The following CAPN5 variants were observed in gnomAD, a reference collection of about 807,000 sequenced individuals.
CAPN5 encodes the protein calpain-5.
In CAPN5, 54 loss-of-function variants were observed where a neutral mutation model predicts 73.0. The ratio of observed to expected loss-of-function variants is 0.74; its 90% CI spans 0.59 to 0.93. CAPN5 has a LOEUF of 0.93. Among genes scored for constraint, CAPN5 ranks in the 40% least tolerant of loss-of-function variants. The pLI is 0.00. For synonymous variants in CAPN5, 335 were observed against 356.9 expected, an observed-to-expected ratio of 0.94 and a Z score of 0.69; for missense variants, 785 against 882.9, an observed-to-expected ratio of 0.89 and a Z score of 1.41.
At chr11:77,071,474 C>A in intron 1 of CAPN5, 1 of 360,148 alleles carries the variant, frequency 2.8e-6, no homozygotes, top group Admixed American at 2.7e-5. Context: ...CACCATCACC[C>A]TACAAGGGGG....
intron 1 of CAPN5, among the ~76,000 whole-genome samples, chr11:77,080,408 G>C (rs1234375729): frequency 6.6e-6 from 1 of 152,126 alleles, no homozygotes; most frequent in Non-Finnish European, 1.5e-5. Context: ...GCTGATGCTG[G>C]CTCCATGACC....
intron 3 of CAPN5, among the ~76,000 whole-genome samples, chr11:77,102,397 A>T (rs572890955): frequency 8.5e-5 from 13 of 152,272 alleles, no homozygotes; most frequent in African/African-American, 2.9e-4. Context: ...TGCCTTCTCC[A>T]CCTGCTCCTG....
intron 2 of CAPN5, among the ~76,000 whole-genome samples, chr11:77,090,290 C>T (rs1245263574): frequency 1.3e-5 from 2 of 152,192 alleles, no homozygotes; most frequent in Admixed American, 6.5e-5. Flanking sequence ...CCAGGCTGCA[C>T]GATTGCCCCC....
intron 2 of CAPN5, among the ~76,000 whole-genome samples, chr11:77,091,611 C>T (rs542138463): frequency 6.6e-6 from 1 of 152,328 alleles, no homozygotes; most frequent in African/African-American, 2.4e-5. Context: ...TCCACCATAC[C>T]CACAGCCACT....
At chr11:77,087,819 C>T in intron 2 of CAPN5, 1 of 1,328,688 alleles carries the variant, frequency 7.5e-7, no homozygotes, top group Non-Finnish European at 1.0e-6. Flanking sequence ...TTGGTTGGGA[C>T]ATCCCATCTC....
rs533512554 is a variant in CAPN5, at chr11:77,084,977, C to A, written c.91C>A (p.Leu31Ile). 6.2e-7 allele frequency: 1 copy of A among 1,613,622 alleles called. No individual in the cohort carries two copies. Among genetic ancestry groups the A allele is most frequent in the Admixed American group, 1.7e-5 (1 of 60,030 alleles). ...CAGGAAGGTGCTCTTCGAGGACCCCCTCTTCCCCGCCACTGACGACTCACT... is the reference window on the plus strand; with the variant it reads ...CAGGAAGGTGCTCTTCGAGGACCCCATCTTCCCCGCCACTGACGACTCACT... ...RRRKVLFEDPLFPATDDSLYY... is the reference protein window; with the variant it reads ...RRRKVLFEDPIFPATDDSLYY... Residue 31 changes from leucine (L) to isoleucine (I), a missense_variant, in exon 2 of 13, where the codon CTC becomes ATC. Transcript: ENST00000648180.
chr11:77,116,365 A>T, intron 7 of CAPN5, 62 bp downstream of exon 7: 3 of 1,360,874 alleles, frequency 2.2e-6, no homozygotes, highest in Non-Finnish European at 2.1e-6. Context: ...CCTGGCGGGG[A>T]GCACCAGGTG....
intron 1 of CAPN5, among the ~76,000 whole-genome samples, chr11:77,073,544 T>C (rs1949933972): frequency 6.6e-6 from 1 of 152,090 alleles, no homozygotes; most frequent in South Asian, 2.1e-4. Context: ...AGCCCTCACA[T>C]GCTGTGCTGT....
rs550453236 is a variant in CAPN5 at position 77,082,652 on chromosome 11, T to C, written c.-35-2200T>C. 7.3e-4 allele frequency among the ~76,000 whole-genome samples: 111 copies of C among 152,262 alleles called. 1 individual carries two copies. The highest frequency in any genetic ancestry group is 2.5e-3 in the African/African-American group (104 of 41,562). On this transcript the variant is annotated intron_variant, in intron 1 of 12. Transcript: ENST00000648180. ...GGGATGGGGCAACGGTATCAGGCCC[T>C]CAGCCAGCCAGGCCTGGCCCTGTGC...
rs139536181 is a variant in CAPN5, at chr11:77,093,713, A to G, written c.197A>G (p.Asp66Gly). 1.9e-4 allele frequency: 304 copies of G among 1,608,830 alleles called. 1 individual carries two copies. Among genetic ancestry groups the G allele is most frequent in the Admixed American group, 2.7e-4 (16 of 59,650 alleles). Residue 66 changes from aspartate to glycine, a missense_variant, in exon 3 of 13, where the codon GAT becomes GGT. Asp to Gly is a moderately conservative substitution (Grantham distance 94, BLOSUM62 -1). Transcript: ENST00000648180. ...GICEDPRLFV[D>G]GISSHDLHQG... ...TGCGAGGACCCCCGCCTCTTTGTGG[A>G]TGGCATCAGCTCCCACGACCTGCAC...
chr11:77,108,273 C>T (rs1318674412), intron 3 of CAPN5, among the ~76,000 whole-genome samples: 8 of 152,156 alleles, frequency 5.3e-5, no homozygotes, highest in Non-Finnish European at 8.8e-5. Context: ...TCCCAGTGGG[C>T]AGGGAAAAGA....
chr11:77,085,285 G>A (rs1950074185), intron 2 of CAPN5, among the ~76,000 whole-genome samples: 1 of 152,160 alleles, frequency 6.6e-6, no homozygotes, highest in African/African-American at 2.4e-5. Flanking sequence ...ACCCTCTCAG[G>A]GCCTCCACTT....
chr11:77,118,298 G>A lies in CAPN5; in HGVS notation c.1113G>A (p.Gln371=), dbSNP rs1555042111. The A allele has an allele frequency of 2.5e-6, 4 of 1,612,686 alleles. No homozygotes were observed. Among genetic ancestry groups the A allele is most frequent in the Non-Finnish European group, 3.4e-6 (4 of 1,179,400 alleles). ...GGACGCTGCATGAGGACCCGCGACA[G>A]AACCGCGGTGGCGGCTGCATCAACC... ...GAWTLHEDPR[Q]NRGGGCINHK... The change falls in exon 8 of 13, where the codon CAG becomes CAA. Residue 371 remains glutamine (Q), a synonymous_variant. Transcript: ENST00000648180.
chr11:77,091,914 C>T (rs1297832938), intron 2 of CAPN5, among the ~76,000 whole-genome samples: 1 of 152,192 alleles, frequency 6.6e-6, no homozygotes, highest in Admixed American at 6.5e-5. Context: ...TACACTGATT[C>T]CTCCTCGCAA....
chr11:77,097,094 C>T (rs113307279), intron 3 of CAPN5, among the ~76,000 whole-genome samples: 7,010 of 152,120 alleles, frequency 0.046, 188 homozygotes, highest in African/African-American at 0.072. Flanking sequence ...TGGTGGTGGG[C>T]GCCTGTAGTC....
chr11:77,086,897 G>A (rs1314751709), intron 2 of CAPN5, among the ~76,000 whole-genome samples: 3 of 152,210 alleles, frequency 2.0e-5, no homozygotes, highest in Non-Finnish European at 4.4e-5. Context: ...CGTGACCCAG[G>A]GGAGTCAGCT....
In CAPN5 at chr11:77,120,850, G is replaced by A; in HGVS notation, c.1428G>A (p.Glu476=). Residue 476 remains glutamate, a synonymous_variant, in exon 10 of 13, where the codon GAG becomes GAA. Transcript: ENST00000648180. ...GRYVIIPTTF[E]PGHTGEFLLR... is the part of the protein sequence containing the mutation. The stretch of plus-strand genomic sequence containing the variant: ...ATGTCATCATCCCCACAACCTTCGA[G>A]CCAGGCCACACTGGCGAGTTCCTGC... The A allele has an allele frequency of 6.2e-7, 1 of 1,614,146 alleles. No individual in the cohort carries two copies. The highest frequency in any genetic ancestry group is 8.5e-7 in the Non-Finnish European group (1 of 1,180,022).
intron 3 of CAPN5, among the ~76,000 whole-genome samples, chr11:77,098,874 A>C (rs1433648130): frequency 6.2e-4 from 82 of 131,254 alleles, no homozygotes; most frequent in African/African-American, 2.5e-3. Flanking sequence ...CTGGGCGGAG[A>C]CGCTCCTCAC....
chr11:77,112,920 C>G, intron 4 of CAPN5, 123 bp downstream of exon 4: 2 of 921,924 alleles, frequency 2.2e-6, no homozygotes, highest in Non-Finnish European at 3.4e-6. Context: ...GGTGCAGGCA[C>G]GCAGCAGGCT....
Sources: allele counts gnomAD v4.1 joint callset (sites outside exome capture counted in the v4.1 genomes callset), GRCh38; gene constraint gnomAD v4.1.1; transcripts MANE v1.5; gene names NCBI Gene and HGNC (gene_info 2026-07-23, HGNC 2026-07-21).